The following PPFIA1 variants were observed in gnomAD, a reference collection of about 807,000 sequenced individuals.
PPFIA1 encodes liprin-alpha-1.
Under a neutral mutation model 149.9 loss-of-function variants are expected in PPFIA1, and 25 were observed. The ratio of observed to expected loss-of-function variants is 0.17; its 90% CI spans 0.12 to 0.23. The LOEUF (loss-of-function observed/expected upper bound fraction) is 0.23, where lower values mean the gene tolerates loss of function less well. Ranked by LOEUF, PPFIA1 falls within the 10% of genes least tolerant of loss-of-function variation. PPFIA1 has a pLI of 1.00. For synonymous variants in PPFIA1, 549 were observed against 552.8 expected, an observed-to-expected ratio of 0.99 and a Z score of 0.10; for missense variants, 1,362 against 1,506.5, an observed-to-expected ratio of 0.90 and a Z score of 1.59.
At chr11:70,298,277 G>A (rs1488036242) in intron 2 of PPFIA1, among the ~76,000 whole-genome samples, 2 of 152,186 alleles carry the variant, frequency 1.3e-5, no homozygotes, top group Non-Finnish European at 2.9e-5. Flanking sequence ...GTGCTGAGCT[G>A]AGTGGTAGAA....
At chr11:70,346,594 G>T (rs1295719255) in intron 15 of PPFIA1, among the ~76,000 whole-genome samples, 1 of 152,206 alleles carries the variant, frequency 6.6e-6, no homozygotes, top group Non-Finnish European at 1.5e-5. Context: ...CCCTTTGAAG[G>T]AGGAGGTGCA....
intron 2 of PPFIA1, among the ~76,000 whole-genome samples, chr11:70,288,457 G>A (rs2051303548): frequency 6.6e-6 from 1 of 152,174 alleles, no homozygotes; most frequent in Non-Finnish European, 1.5e-5. Context: ...TGCCTGAGGT[G>A]TGATTGCAGA....
In PPFIA1 at chr11:70,354,425, G is replaced by T; in HGVS notation, c.2288G>T (p.Ser763Ile). 1 of 1,613,890 alleles carries T rather than the reference G, an allele frequency of 6.2e-7. No individual in the cohort carries two copies. The highest frequency in any genetic ancestry group is 8.5e-7 in the Non-Finnish European group (1 of 1,179,952). ...RLHKGALHTV[S>I]HEDIRDIRNS... is the part of the protein sequence containing the mutation. ...CACAAAGGGGCGCTGCACACCGTCA[G>T]CCACGAGGACATCAGGGACATAAGG... Residue 763 changes from serine to isoleucine, a missense_variant, in exon 17 of 28, where the codon AGC becomes ATC. By Grantham distance (142) the Ser-to-Ile change is moderately radical. Coordinates refer to ENST00000253925, the MANE Select transcript of PPFIA1 (RefSeq NM_003626.5).
intron 2 of PPFIA1, among the ~76,000 whole-genome samples, chr11:70,311,945 G>A (rs1230166166): frequency 7.0e-6 from 1 of 143,164 alleles, no homozygotes; most frequent in African/African-American, 2.6e-5. Context: ...CTGGACTCAA[G>A]CAGTCCTCAC....
At chr11:70,280,722 T>C (rs1168678606) in intron 2 of PPFIA1, among the ~76,000 whole-genome samples, 1 of 152,210 alleles carries the variant, frequency 6.6e-6, no homozygotes, top group Non-Finnish European at 1.5e-5. Context: ...TATGTGCCAC[T>C]GTGCCCAGCT....
intron 17 of PPFIA1, 108 bp from the exon 18 acceptor site, chr11:70,355,531 A>G: frequency 9.5e-7 from 1 of 1,052,914 alleles, no homozygotes; most frequent in Non-Finnish European, 1.4e-6. Flanking sequence ...TTGGTGAGGA[A>G]GATGTGTGTG....
chr11:70,317,688 C>A (rs148359539), intron 2 of PPFIA1, among the ~76,000 whole-genome samples: 3 of 152,052 alleles, frequency 2.0e-5, no homozygotes, highest in Non-Finnish European at 2.9e-5. Flanking sequence ...AGAGTGACAG[C>A]GTGCTGGGGG....
intron 2 of PPFIA1, among the ~76,000 whole-genome samples, chr11:70,280,488 G>A (rs1406303251): frequency 6.6e-6 from 1 of 152,148 alleles, no homozygotes. Context: ...AGACTCACTT[G>A]AACCTGGGAG....
chr11:70,376,900 C>T (rs1416366960), intron 25 of PPFIA1, among the ~76,000 whole-genome samples: 1 of 152,092 alleles, frequency 6.6e-6, no homozygotes. Context: ...GGTGAAACCC[C>T]ATCTCTACTA....
intron 15 of PPFIA1, among the ~76,000 whole-genome samples, chr11:70,346,706 A>G (rs545564730): frequency 6.2e-4 from 95 of 152,306 alleles, no homozygotes; most frequent in African/African-American, 2.1e-3. Flanking sequence ...CTTATGATGT[A>G]TAGCTAGATA....
chr11:70,274,590 C>T lies in PPFIA1; in HGVS notation c.264+2154C>T, dbSNP rs185586240. ...GTGAGATGCAGCTTGCTCATTCTCA[C>T]CTGCTCTCTGGTCATCCCGTGCACG... On this transcript the variant is annotated intron_variant, in intron 2 of 27. Coordinates refer to ENST00000253925, the MANE Select transcript of PPFIA1 (RefSeq NM_003626.5). Among the ~76,000 whole-genome samples the T allele has an allele frequency of 3.7e-4, 56 of 152,344 alleles. 2 individuals are homozygous for T. In the East Asian group the frequency reaches 6.6e-3, roughly 18 times the overall value.
intron 2 of PPFIA1, among the ~76,000 whole-genome samples, chr11:70,316,094 A>C (rs2053610016): frequency 6.6e-6 from 1 of 151,892 alleles, no homozygotes; most frequent in African/African-American, 2.4e-5. Flanking sequence ...TCTTTGAGAC[A>C]GAGTTTGGCT....
chr11:70,354,016 G>A (rs189286973), intron 16 of PPFIA1, among the ~76,000 whole-genome samples: 13 of 152,240 alleles, frequency 8.5e-5, no homozygotes, highest in Admixed American at 7.2e-4. Flanking sequence ...CTAGGATTCC[G>A]GGGAGGGCAG....
chr11:70,275,335 C>T (rs1406137647), intron 2 of PPFIA1, among the ~76,000 whole-genome samples: 1 of 152,190 alleles, frequency 6.6e-6, no homozygotes, highest in Non-Finnish European at 1.5e-5. Flanking sequence ...TCTCTATATT[C>T]TGAGTACATA....
intron 25 of PPFIA1, 56 bp from the exon 26 acceptor site, chr11:70,377,974 C>T (rs975227460): frequency 2.0e-5 from 27 of 1,370,952 alleles, no homozygotes; most frequent in Non-Finnish European, 2.6e-5. Flanking sequence ...TGTAACTTTA[C>T]ATCTCTGACC....
Position 70,333,512 on chromosome 11 carries a change from A to G in PPFIA1, c.1255A>G (p.Met419Val), listed in dbSNP as rs1200883056. ...CAACATTGAAGAAAGGTTACGACAG[A>G]TGGAAGCACAGTTGGAGGAGAAGAA... ...HGNIEERLRQ[M>V]EAQLEEKNQE... Residue 419 changes from methionine (M) to valine (V), a missense_variant, in exon 10 of 28, where the codon ATG becomes GTG. Physicochemically the swap from Met to Val is conservative, Grantham distance 21 (BLOSUM62 1). This residue lies in a region of PPFIA1 where 733 missense variants were observed against 744.1 expected (regional missense o/e 0.99). Coordinates refer to ENST00000253925, the MANE Select transcript of PPFIA1 (RefSeq NM_003626.5). 4 of 1,613,472 alleles carry G rather than the reference A, an allele frequency of 2.5e-6. No homozygotes were observed. The highest frequency in any genetic ancestry group is 1.7e-5 in the Admixed American group (1 of 59,912).
rs2054917022 is a variant in PPFIA1, at chr11:70,335,508, A to G, written c.1297-55A>G. ...ACCCTGTTGGTCCTTGTGCTTTTAA[A>G]ATAATGATCGAGGATTTACGTGAGG... is the stretch of plus-strand genomic sequence containing the variant. On this transcript the variant is annotated intron_variant, in intron 10 of 27. Coordinates refer to ENST00000253925, the MANE Select transcript of PPFIA1 (RefSeq NM_003626.5). The G allele has an allele frequency of 1.9e-6, 3 of 1,594,220 alleles. No individual in the cohort carries two copies. In the Admixed American group the frequency reaches 5.1e-5, roughly 27 times the overall value.
chr11:70,279,350 C>T (rs1358096291), intron 2 of PPFIA1: 1 of 201,808 alleles, frequency 5.0e-6, no homozygotes, highest in African/African-American at 2.3e-5. Context: ...ACTAATCAGA[C>T]ACACAGCAAG....
At chr11:70,310,668 G>A (rs1371821560) in intron 2 of PPFIA1, among the ~76,000 whole-genome samples, 2 of 152,284 alleles carry the variant, frequency 1.3e-5, no homozygotes, top group East Asian at 3.9e-4. Flanking sequence ...ACAGGCGTGA[G>A]CCACCACACC....
Sources: gnomAD v4.1 joint callset for allele counts (sites outside exome capture counted in the v4.1 genomes callset) on GRCh38, gnomAD v4.1.1 for gene constraint, gnomAD v4.1.1 regional missense constraint, MANE v1.5 for transcripts, NCBI Gene and HGNC (gene_info 2026-07-23, HGNC 2026-07-21) for gene names.